Variants in RBFOX1 observed in about 807,000 individuals in gnomAD.
The protein encoded by RBFOX1 is RNA binding fox-1 homolog 1, also known as RNA binding protein fox-1 homolog 1.
In RBFOX1, 8 loss-of-function variants were observed where a neutral mutation model predicts 57.7. The observed-to-expected ratio is 0.14, with a 90% CI of 0.08 to 0.25. The LOEUF (loss-of-function observed/expected upper bound fraction) is 0.25. Ranked by LOEUF, RBFOX1 falls within the 10% of genes least tolerant of loss-of-function variation. RBFOX1 has a pLI of 1.00. For missense variants in RBFOX1, 611 were observed against 548.5 expected (o/e 1.11, Z -1.14); for synonymous variants, 326 against 222.4 (o/e 1.47, Z -4.15).
intron 4 of RBFOX1, among the ~76,000 whole-genome samples, chr16:7,389,929 C>T (rs542964855): frequency 3.3e-5 from 5 of 152,020 alleles, no homozygotes; most frequent in Admixed American, 2.0e-4. Context: ...AAAGAGATAC[C>T]TGAGTCTGGG....
At chr16:7,298,538 C>T (rs1050804163) in intron 4 of RBFOX1, among the ~76,000 whole-genome samples, 2 of 152,060 alleles carry the variant, frequency 1.3e-5, no homozygotes, top group Non-Finnish European at 2.9e-5. Flanking sequence ...GTGATCCACT[C>T]GCCTTGGCCT....
intron 3 of RBFOX1, among the ~76,000 whole-genome samples, chr16:5,795,820 A>T (rs2054859166): frequency 6.6e-6 from 1 of 152,146 alleles, no homozygotes; most frequent in South Asian, 2.1e-4. Context: ...TTCATTGGGG[A>T]AGGATTTGCT....
chr16:6,902,821 A>G (rs1474112328), intron 3 of RBFOX1, among the ~76,000 whole-genome samples: 1 of 152,140 alleles, frequency 6.6e-6, no homozygotes, highest in African/African-American at 2.4e-5. Context: ...ATTATCCATG[A>G]TTGTACACTG....
intron 2 of RBFOX1, among the ~76,000 whole-genome samples, chr16:6,519,365 A>G (rs2096456148): frequency 1.3e-5 from 2 of 152,232 alleles, no homozygotes; most frequent in East Asian, 1.9e-4. Flanking sequence ...ACATGGGGAT[A>G]TAGCCCTCCA....
At chr16:5,457,386 C>T (rs1054574161) in intron 1 of RBFOX1, among the ~76,000 whole-genome samples, 3 of 152,154 alleles carry the variant, frequency 2.0e-5, no homozygotes, top group Non-Finnish European at 2.9e-5. Flanking sequence ...CCATCTGCCT[C>T]GGCCTGTCAA....
At chr16:6,889,222 A>T (rs1421840507) in intron 3 of RBFOX1, among the ~76,000 whole-genome samples, 1 of 152,150 alleles carries the variant, frequency 6.6e-6, no homozygotes, top group Non-Finnish European at 1.5e-5. Flanking sequence ...GAGCCTTTCC[A>T]TGAAAGTGAG....
At position 5,302,367 on chromosome 16, in the gene RBFOX1, C is replaced by T. The variant is rs1201245983; in HGVS notation, c.219+62262C>T. 2.0e-5 allele frequency among the ~76,000 whole-genome samples: 3 copies of T among 152,164 alleles called. No homozygotes were observed. The East Asian group carries it at 5.8e-4, about 29-fold the overall frequency. On this transcript the variant is annotated intron_variant, in intron 1 of 2. Transcript: ENST00000585867. ...GGAGCAGCAGCAGCATATGGTCTCT[C>T]TTAATGAATGGTCCACAGGCACTTG...
At chr16:6,952,366 G>T (rs983585874) in intron 3 of RBFOX1, among the ~76,000 whole-genome samples, 4 of 152,216 alleles carry the variant, frequency 2.6e-5, no homozygotes, top group East Asian at 1.9e-4. Flanking sequence ...AAGTAAACTT[G>T]TTGGGCATGG....
chr16:5,802,920 C>G (rs118044886), intron 3 of RBFOX1, among the ~76,000 whole-genome samples: 1 of 152,212 alleles, frequency 6.6e-6, no homozygotes, highest in African/African-American at 2.4e-5. Context: ...TGAGCATTTA[C>G]TCCATTTCAG....
intron 2 of RBFOX1, among the ~76,000 whole-genome samples, chr16:6,465,515 G>A (rs4786098): frequency 0.14 from 21,704 of 151,888 alleles, 2,371 homozygotes; most frequent in East Asian, 0.46. Flanking sequence ...TAAAATCTAC[G>A]TAAGAAGTAA....
At chr16:6,997,036 A>G (rs1686074533) in intron 3 of RBFOX1, among the ~76,000 whole-genome samples, 2 of 152,156 alleles carry the variant, frequency 1.3e-5, no homozygotes, top group Admixed American at 6.5e-5. Flanking sequence ...ATTTATATGC[A>G]CGTATTTATA....
chr16:6,138,103 T>G (rs1223319669), intron 1 of RBFOX1, among the ~76,000 whole-genome samples: 1 of 152,224 alleles, frequency 6.6e-6, no homozygotes, highest in Non-Finnish European at 1.5e-5. Flanking sequence ...AGATCCCTGA[T>G]GTCAAACAAA....
intron 1 of RBFOX1, among the ~76,000 whole-genome samples, chr16:5,384,782 A>T (rs1411521820): frequency 6.6e-6 from 1 of 152,202 alleles, no homozygotes; most frequent in Admixed American, 6.5e-5. Context: ...GCTACTCACT[A>T]GCTGCGTGAC....
At chr16:5,709,866 T>A (rs1472626431) in intron 3 of RBFOX1, among the ~76,000 whole-genome samples, 52 of 74,970 alleles carry the variant, frequency 6.9e-4, no homozygotes, top group African/African-American at 1.6e-3. Context: ...TTTTTTTTTT[T>A]TTTTTTTTTT....
chr16:7,401,974 A>C (rs895133783), intron 4 of RBFOX1, among the ~76,000 whole-genome samples: 1 of 152,220 alleles, frequency 6.6e-6, no homozygotes, highest in Non-Finnish European at 1.5e-5. Context: ...TACATCAAGC[A>C]TGCAGCAGGT....
intron 4 of RBFOX1, among the ~76,000 whole-genome samples, chr16:7,193,404 A>C (rs186186268): frequency 6.6e-6 from 1 of 152,242 alleles, no homozygotes; most frequent in African/African-American, 2.4e-5. Flanking sequence ...TGAGACCTGC[A>C]TCAGATTTCT....
intron 3 of RBFOX1, among the ~76,000 whole-genome samples, chr16:5,773,845 G>A (rs896974568): frequency 6.6e-6 from 1 of 152,054 alleles, no homozygotes; most frequent in Non-Finnish European, 1.5e-5. Flanking sequence ...CTACAGGTGA[G>A]CACTACCATG....
At chr16:7,704,322 G>C (rs1001352665) in intron 14 of RBFOX1, among the ~76,000 whole-genome samples, 1 of 152,210 alleles carries the variant, frequency 6.6e-6, no homozygotes, top group African/African-American at 2.4e-5. Context: ...GTTTTTCCCT[G>C]AAGGCTTTTG....
At chr16:5,456,547 C>G (rs2068636440) in intron 1 of RBFOX1, among the ~76,000 whole-genome samples, 1 of 151,858 alleles carries the variant, frequency 6.6e-6, no homozygotes, top group Non-Finnish European at 1.5e-5. Context: ...TATGCCCACC[C>G]ACTTGTTCAT....
Sources: allele counts gnomAD v4.1 joint callset (sites outside exome capture counted in the v4.1 genomes callset), GRCh38; gene constraint gnomAD v4.1.1; transcripts MANE v1.5; gene names NCBI Gene and HGNC (gene_info 2026-07-23, HGNC 2026-07-21).